Variants in ME2 observed in about 807,000 individuals in gnomAD.
ME2 encodes the protein NAD-dependent malic enzyme, mitochondrial.
Under a neutral mutation model 73.7 loss-of-function variants are expected in ME2, and 60 were observed. The ratio of observed to expected loss-of-function variants is 0.81; its 90% CI spans 0.66 to 1.01. The LOEUF (loss-of-function observed/expected upper bound fraction) is 1.01, where lower values mean the gene tolerates loss of function less well. Ranked by LOEUF, ME2 falls within the 50% of genes least tolerant of loss-of-function variation. The pLI is 0.00. For missense variants in ME2, 594 were observed against 705.5 expected, an observed-to-expected ratio of 0.84 and a Z score of 1.79; for synonymous variants, 199 against 236.9, an observed-to-expected ratio of 0.84 and a Z score of 1.47.
chr18:50,940,220 T>C, intron 14 of ME2, 68 bp from the exon 15 acceptor site: 1 of 1,045,500 alleles, frequency 9.6e-7, no homozygotes, highest in Non-Finnish European at 1.5e-6. Context: ...CCCAATGCTT[T>C]TTCCATTTAC....
rs536501227 is a variant in ME2 at position 50,939,907 on chromosome 18, A to T, written c.1488+267A>T. 53 of 435,950 alleles carry T rather than the reference A, an allele frequency of 1.2e-4. No individual in the cohort carries two copies. The East Asian group carries it at 2.1e-3, about 17-fold the overall frequency. The allele number at this position is 435,950 out of a possible 1,614,324, so 27.0% of individuals were successfully genotyped here. A position where few individuals can be genotyped will look rare whatever the true frequency, so the allele number is the denominator to read the frequency against. On this transcript the variant is annotated intron_variant, in intron 14 of 15. Transcript: ENST00000321341. The stretch of plus-strand genomic sequence containing the variant: ...ATCTGAATATATTGTGACAGCATAG[A>T]TAACTCCTTGCATGTTTTTAATGGA...
chr18:50,893,619 CA>C (rs1026468701), intron 1 of ME2, among the ~76,000 whole-genome samples: 1 of 152,208 alleles, frequency 6.6e-6, no homozygotes, highest in African/African-American at 2.4e-5. Flanking sequence ...GTCTTTTGAA[CA>C]GCTCAGATAT....
intron 15 of ME2, among the ~76,000 whole-genome samples, chr18:50,944,387 G>A (rs1918036283): frequency 6.6e-6 from 1 of 152,132 alleles, no homozygotes; most frequent in Non-Finnish European, 1.5e-5. Context: ...AGTGGCATAG[G>A]CTTTTCTTTT....
chr18:50,913,376 T>A (rs1221911860), intron 4 of ME2: 1 of 157,814 alleles, frequency 6.3e-6, no homozygotes, highest in Admixed American at 6.5e-5. Context: ...TCACCCAGGC[T>A]GGAGTGGAGT....
intron 11 of ME2, among the ~76,000 whole-genome samples, chr18:50,925,361 C>T (rs1917526442): frequency 6.6e-6 from 1 of 152,150 alleles, no homozygotes; most frequent in African/African-American, 2.4e-5. Context: ...CACCTTTAAT[C>T]CCAGCTACCT....
chr18:50,928,749 A>C (rs557752584), intron 12 of ME2, among the ~76,000 whole-genome samples: 33 of 152,312 alleles, frequency 2.2e-4, no homozygotes, highest in African/African-American at 7.7e-4. Flanking sequence ...ATGAATCATC[A>C]AAAGTCCTGA....
In ME2 at chr18:50,940,281, T is replaced by G. The variant is rs767323013; in HGVS notation, c.1489-7T>G. 1.3e-6 allele frequency: 2 copies of G among 1,592,440 alleles called. No individual in the cohort carries two copies. The highest frequency in any genetic ancestry group is 2.3e-5 in the South Asian group (2 of 86,608). ...AAACAAAAGCAAAATGCTGTTTTTC[T>G]CTTCAGGCCCTGACAAGCCAATTGA... On this transcript the variant is annotated splice_polypyrimidine_tract_variant and splice_region_variant and intron_variant, in intron 14 of 15. Coordinates refer to ENST00000321341, the MANE Select transcript of ME2 (RefSeq NM_002396.5).
chr18:50,894,458 C>G (rs1383236006), intron 1 of ME2, among the ~76,000 whole-genome samples: 2 of 151,916 alleles, frequency 1.3e-5, no homozygotes, highest in Non-Finnish European at 2.9e-5. Flanking sequence ...ATCCCAGCTA[C>G]TCAGAAGGCT....
chr18:50,935,303 AAGAAAAAC>A (rs1917789646), intron 13 of ME2: 1 of 152,212 alleles, frequency 6.6e-6, no homozygotes, highest in East Asian at 1.9e-4. Flanking sequence ...CAGCAAAAAC[AAGAAAAAC>A]AGACACACTG....
At chr18:50,891,926 A>G (rs1360781626) in intron 1 of ME2, among the ~76,000 whole-genome samples, 1 of 151,030 alleles carries the variant, frequency 6.6e-6, no homozygotes, top group Non-Finnish European at 1.5e-5. Flanking sequence ...AGTCTTCCCA[A>G]CTTAGCTAGT....
rs549025561 is a variant in ME2 at position 50,897,571 on chromosome 18, C to T, written c.108+1643C>T. Among the ~76,000 whole-genome samples the T allele has an allele frequency of 5.9e-5, 9 of 151,778 alleles. No individual in the cohort carries two copies. In the South Asian group the frequency reaches 1.9e-3, roughly 32 times the overall value. ...AGAAACTTCGTCTCTACTAAAAATA[C>T]AAAATTAGGCCGGACATGGTGGCTT... On this transcript the variant is annotated intron_variant, in intron 2 of 15. Transcript: ENST00000321341.
At chr18:50,916,409 A>G in intron 5 of ME2, 166 bp downstream of exon 5, 1 of 512,674 alleles carries the variant, frequency 2.0e-6, no homozygotes, top group Non-Finnish European at 3.4e-6. Context: ...AGTAGTTATA[A>G]AATGGGCTAC....
At chr18:50,886,246 A>AT (rs34895453) in intron 1 of ME2, among the ~76,000 whole-genome samples, 49,097 of 142,740 alleles carry the variant, frequency 0.34, 8,471 homozygotes, top group East Asian at 0.4. Flanking sequence ...GGTAAGTTAG[A>AT]TTTTTTTTTT....
At chr18:50,902,722 T>C (rs1916921976) in intron 2 of ME2, among the ~76,000 whole-genome samples, 1 of 152,230 alleles carries the variant, frequency 6.6e-6, no homozygotes, top group Non-Finnish European at 1.5e-5. Flanking sequence ...TATTTGGCCA[T>C]GATTCTCTTA....
chr18:50,930,684 G>C (rs187791134), intron 12 of ME2, among the ~76,000 whole-genome samples: 1 of 152,140 alleles, frequency 6.6e-6, no homozygotes, highest in Non-Finnish European at 1.5e-5. Flanking sequence ...CTGATACCAT[G>C]AGAACATTTT....
chr18:50,941,365 T>C (rs1420490893), intron 15 of ME2, among the ~76,000 whole-genome samples: 1 of 62,152 alleles, frequency 1.6e-5, no homozygotes, highest in African/African-American at 4.9e-5. Context: ...TTTTTTTTTT[T>C]TTTTTTTTTT....
At chr18:50,912,730 A>G in intron 3 of ME2, 71 bp from the exon 4 acceptor site, 1 of 1,244,018 alleles carries the variant, frequency 8.0e-7, no homozygotes, top group South Asian at 2.4e-5. Flanking sequence ...ATTTAGGTTT[A>G]ACTTTCATAA....
At chr18:50,887,435 C>T (rs563199280) in intron 1 of ME2, among the ~76,000 whole-genome samples, 4 of 152,254 alleles carry the variant, frequency 2.6e-5, no homozygotes, top group East Asian at 1.9e-4. Flanking sequence ...TGCCAGGAGA[C>T]GGAAACTGAG....
chr18:50,927,749 T>TATATATATAC (rs1555678364), intron 12 of ME2, among the ~76,000 whole-genome samples: 1 of 137,820 alleles, frequency 7.3e-6, no homozygotes, highest in Non-Finnish European at 1.5e-5. Context: ...TATATATATA[T>TATATATATAC]ATACACACCA....
Sources: allele counts gnomAD v4.1 joint callset (sites outside exome capture counted in the v4.1 genomes callset), GRCh38; gene constraint gnomAD v4.1.1; transcripts MANE v1.5; gene names NCBI Gene and HGNC (gene_info 2026-07-23, HGNC 2026-07-21).